Variants in HHAT observed in about 807,000 individuals in gnomAD.
HHAT encodes hedgehog acyltransferase.
In HHAT, 47 loss-of-function variants were observed where a neutral mutation model predicts 70.8. The observed-to-expected ratio is 0.66, with a 90% CI of 0.53 to 0.85. HHAT has a LOEUF of 0.85. Among genes scored for constraint, HHAT ranks in the 40% least tolerant of loss-of-function variants. HHAT has a pLI of 0.00. For synonymous variants in HHAT, 228 were observed against 247.6 expected, an observed-to-expected ratio of 0.92 and a Z score of 0.74; for missense variants, 609 against 604.8, an observed-to-expected ratio of 1.01 and a Z score of -0.07.
chr1:210,634,278 G>A (rs1358067387), intron 11 of HHAT, among the ~76,000 whole-genome samples: 2 of 152,172 alleles, frequency 1.3e-5, no homozygotes, highest in African/African-American at 4.8e-5. Context: ...GGGAGGCCAA[G>A]CCACCCTGTT....
intron 4 of HHAT, among the ~76,000 whole-genome samples, chr1:210,396,336 G>A (rs1376758890): frequency 6.6e-6 from 1 of 152,142 alleles, no homozygotes; most frequent in East Asian, 1.9e-4. Flanking sequence ...GGTCACTCAT[G>A]CTTTGATACC....
At chr1:210,400,398 C>T in intron 4 of HHAT, 70 bp from the exon 5 acceptor site, 1 of 1,375,646 alleles carries the variant, frequency 7.3e-7, no homozygotes, top group Non-Finnish European at 9.9e-7. Flanking sequence ...TCCATGAGCT[C>T]ACTTCTGTTT....
At chr1:210,507,985 G>A (rs533022121) in intron 8 of HHAT, among the ~76,000 whole-genome samples, 41 of 151,822 alleles carry the variant, frequency 2.7e-4, no homozygotes, top group Non-Finnish European at 5.0e-4. Flanking sequence ...TGATCACGAG[G>A]TCAGGAGATC....
intron 10 of HHAT, among the ~76,000 whole-genome samples, chr1:210,621,063 C>T (rs999384234): frequency 3.3e-5 from 5 of 152,142 alleles, no homozygotes; most frequent in African/African-American, 1.2e-4. Context: ...CCTTGGCCCT[C>T]AGCTCCTCCT....
chr1:210,656,564 C>T lies in HHAT; in HGVS notation c.1391-17724C>T, dbSNP rs180879203. ...ATGCTCCTGCAGGGGAAGTGGGTCA[C>T]GCCAGGAAGAGCAGCTATAGCGTGA... On this transcript the variant is annotated intron_variant, in intron 11 of 11. Transcript: ENST00000261458. Among the ~76,000 whole-genome samples, 9 of 152,284 alleles carry T rather than the reference C, an allele frequency of 5.9e-5. No individual in the cohort carries two copies. The East Asian group carries it at 7.7e-4, about 13-fold the overall frequency.
rs555176327 is a variant in HHAT at position 210,444,644 on chromosome 1, G to A, written c.857-19861G>A. ...CTAGTTTAATTGCGTAGAGGTGTTT[G>A]TAGTATTCTCTGATGGTAGTTTGTA... is the stretch of plus-strand genomic sequence containing the variant. On this transcript the variant is annotated intron_variant, in intron 7 of 11. Transcript: ENST00000261458. Among the ~76,000 whole-genome samples the A allele has an allele frequency of 4.6e-5, 7 of 152,156 alleles. No individual in the cohort carries two copies. The East Asian group carries it at 1.2e-3, about 25-fold the overall frequency.
intron 1 of HHAT, among the ~76,000 whole-genome samples, chr1:210,346,685 C>A (rs987334348): frequency 1.3e-5 from 2 of 152,194 alleles, no homozygotes; most frequent in Non-Finnish European, 2.9e-5. Flanking sequence ...TTTCTGAAAT[C>A]GTGGTTTATC....
intron 11 of HHAT, among the ~76,000 whole-genome samples, chr1:210,637,785 A>T (rs113321560): frequency 0.025 from 3,628 of 147,902 alleles, 60 homozygotes; most frequent in Middle Eastern, 0.062. Context: ...GCTTGAACCC[A>T]GGAGGCAGAG....
Position 210,399,840 on chromosome 1 carries a change from A to G in HHAT, c.274-628A>G, listed in dbSNP as rs12023596. 1.0e-3 allele frequency among the ~76,000 whole-genome samples: 155 copies of G among 152,358 alleles called. 4 individuals carry two copies. In the East Asian group the frequency reaches 0.019, roughly 19 times the overall value. ...ATTCTCCTAAAATGGGAATAAATGTATCAATCAGGTAGACTATGCAAAGTC... is the reference window on the plus strand; with the variant it reads ...ATTCTCCTAAAATGGGAATAAATGTGTCAATCAGGTAGACTATGCAAAGTC... On this transcript the variant is annotated intron_variant, in intron 4 of 11. Coordinates refer to ENST00000261458, the MANE Select transcript of HHAT (RefSeq NM_018194.6).
intron 8 of HHAT, among the ~76,000 whole-genome samples, chr1:210,494,407 C>G (rs6540600): frequency 0.63 from 95,104 of 151,936 alleles, 29,853 homozygotes; most frequent in Middle Eastern, 0.69. Flanking sequence ...TGGATGTCAG[C>G]GTTACAGAGT....
chr1:210,463,509 G>T lies in HHAT; in HGVS notation c.857-996G>T, dbSNP rs2094025447. Among the ~76,000 whole-genome samples, 5 of 152,074 alleles carry T rather than the reference G, an allele frequency of 3.3e-5. No homozygotes were observed. The South Asian group carries it at 8.3e-4, about 25-fold the overall frequency. On this transcript the variant is annotated intron_variant, in intron 7 of 11. Transcript: ENST00000261458. Reference sequence around the variant, plus strand: ...ATTTCATTCCTTTTTATGGTCTATTGTATGGACAGACCACATTGTGTCTAT... The same window carrying T: ...ATTTCATTCCTTTTTATGGTCTATTTTATGGACAGACCACATTGTGTCTAT...
rs140957779 is a variant in HHAT at position 210,380,347 on chromosome 1, C to T, written c.160-7121C>T. Among the ~76,000 whole-genome samples the T allele has an allele frequency of 9.9e-3, 1,506 of 152,104 alleles. 31 individuals carry two copies. The highest frequency in any genetic ancestry group is 0.034 in the African/African-American group (1,422 of 41,486). ...CTTGCAGTCAGGAGTTCAAGATTAG[C>T]CTGGCCAACGTGGTGAAACCCTGTC... On this transcript the variant is annotated intron_variant, in intron 3 of 11. Coordinates refer to ENST00000261458, the MANE Select transcript of HHAT (RefSeq NM_018194.6).
At chr1:210,528,102 A>G (rs1336438015) in intron 9 of HHAT, among the ~76,000 whole-genome samples, 2 of 152,176 alleles carry the variant, frequency 1.3e-5, no homozygotes, top group Non-Finnish European at 2.9e-5. Flanking sequence ...AGGAGCAGAG[A>G]GGTGTTCATC....
At chr1:210,663,813 CG>C (rs1678313105) in intron 11 of HHAT, among the ~76,000 whole-genome samples, 2 of 152,210 alleles carry the variant, frequency 1.3e-5, no homozygotes, top group Non-Finnish European at 2.9e-5. Context: ...CTGCAGTCTG[CG>C]TTTCAGCCTG....
At chr1:210,597,614 C>G (rs1255214078) in intron 10 of HHAT, among the ~76,000 whole-genome samples, 1 of 152,144 alleles carries the variant, frequency 6.6e-6, no homozygotes, top group Non-Finnish European at 1.5e-5. Context: ...GCTACCACCA[C>G]CCCAGGCTTG....
intron 7 of HHAT, among the ~76,000 whole-genome samples, chr1:210,445,229 C>T (rs2093611623): frequency 6.6e-6 from 1 of 152,210 alleles, no homozygotes; most frequent in African/African-American, 2.4e-5. Context: ...TAGTATCTCT[C>T]CCTAGCCCCC....
intron 11 of HHAT, among the ~76,000 whole-genome samples, chr1:210,669,740 G>C (rs1679701365): frequency 6.6e-6 from 1 of 152,210 alleles, no homozygotes; most frequent in Non-Finnish European, 1.5e-5. Flanking sequence ...ACCCAGCCTT[G>C]AATGTGCAGA....
At chr1:210,365,032 C>T (rs1258969270) in intron 3 of HHAT, among the ~76,000 whole-genome samples, 1 of 152,106 alleles carries the variant, frequency 6.6e-6, no homozygotes, top group Non-Finnish European at 1.5e-5. Context: ...GTTTGGAGCC[C>T]TAGAATTTAC....
chr1:210,593,391 T>G (rs1016061120), intron 10 of HHAT, among the ~76,000 whole-genome samples: 5 of 152,094 alleles, frequency 3.3e-5, no homozygotes, highest in Non-Finnish European at 7.4e-5. Flanking sequence ...TTATCATTTG[T>G]TTCAAGGAGT....
Sources: allele counts gnomAD v4.1 joint callset (sites outside exome capture counted in the v4.1 genomes callset), GRCh38; gene constraint gnomAD v4.1.1; transcripts MANE v1.5; gene names NCBI Gene and HGNC (gene_info 2026-07-23, HGNC 2026-07-21).